CCDC178: variants seen among roughly 807,000 people sequenced by gnomAD.
CCDC178 encodes the protein coiled-coil domain containing 178, also known as coiled-coil domain-containing protein 178.
A neutral mutation model predicts 117.4 loss-of-function variants in CCDC178; 126 were observed. The observed-to-expected ratio is 1.07, with a 90% CI of 0.93 to 1.24. The LOEUF (loss-of-function observed/expected upper bound fraction) is 1.24, where lower values mean the gene tolerates loss of function less well. Ranked by LOEUF, CCDC178 falls within the 50% of genes most tolerant of loss-of-function variation. The pLI is 0.00. For missense variants in CCDC178, 1,030 were observed against 986.9 expected, an observed-to-expected ratio of 1.04 and a Z score of -0.59; for synonymous variants, 283 against 313.4, an observed-to-expected ratio of 0.90 and a Z score of 1.02.
At chr18:33,139,427 T>G (rs1413496021) in intron 20 of CCDC178, among the ~76,000 whole-genome samples, 3 of 152,136 alleles carry the variant, frequency 2.0e-5, no homozygotes, top group African/African-American at 4.8e-5. Flanking sequence ...ACCTAGAGAC[T>G]TGTTGAATGG....
chr18:32,979,931 A>C (rs1024605653), intron 21 of CCDC178, among the ~76,000 whole-genome samples: 10 of 152,220 alleles, frequency 6.6e-5, no homozygotes, highest in African/African-American at 2.2e-4. Context: ...GTAACATATG[A>C]CAGAGATATC....
At chr18:32,984,253 C>CT (rs1439813676) in intron 21 of CCDC178, among the ~76,000 whole-genome samples, 3 of 151,542 alleles carry the variant, frequency 2.0e-5, no homozygotes, top group African/African-American at 7.3e-5. Context: ...TGGATCTCTG[C>CT]TAATATATAA....
At chr18:33,109,485 TC>T (rs1393001794) in intron 20 of CCDC178, among the ~76,000 whole-genome samples, 1 of 151,598 alleles carries the variant, frequency 6.6e-6, no homozygotes, top group African/African-American at 2.4e-5. Context: ...TCTATATTAA[TC>T]CCTCGATCTT....
intron 21 of CCDC178, among the ~76,000 whole-genome samples, chr18:33,030,130 C>A (rs892645261): frequency 6.6e-6 from 1 of 151,960 alleles, no homozygotes. Flanking sequence ...GTCAGTTTTG[C>A]TAAATTTATT....
At position 33,348,946 on chromosome 18, in the gene CCDC178, T is replaced by C; in HGVS notation, c.401A>G (p.Lys134Arg). ...WSRTSSTKDL[K>R]EDWSVTTPVK... ...TGGTGTAGTTACACTCCAATCTTCTTTCAGGTCTTTTGTGGAAGAAGTTCT... is the reference window on the plus strand; with the variant it reads ...TGGTGTAGTTACACTCCAATCTTCTCTCAGGTCTTTTGTGGAAGAAGTTCT... Residue 134 changes from lysine to arginine, a missense_variant, in exon 8 of 23, where the codon AAA becomes AGA. Lys to Arg is a conservative substitution (Grantham distance 26). Coordinates refer to ENST00000383096, the MANE Select transcript of CCDC178 (RefSeq NM_001105528.4). The C allele has an allele frequency of 1.2e-6, 2 of 1,609,816 alleles. No homozygotes were observed. The highest frequency in any genetic ancestry group is 1.7e-6 in the Non-Finnish European group (2 of 1,177,824).
chr18:33,403,007 T>C lies in CCDC178; in HGVS notation c.59-5799A>G, dbSNP rs2063729656. Among the ~76,000 whole-genome samples the C allele has an allele frequency of 2.0e-5, 3 of 152,344 alleles. No individual in the cohort carries two copies. The South Asian group carries it at 6.2e-4, about 32-fold the overall frequency. On this transcript the variant is annotated intron_variant, in intron 3 of 22. Transcript: ENST00000383096. ...ATGCACAATTCTAGTTGAGAACTAG[T>C]GCAATAGACAATTACTTCAGTCTCA... is the stretch of plus-strand genomic sequence containing the variant.
chr18:33,254,550 A>C (rs1376470100), intron 14 of CCDC178, among the ~76,000 whole-genome samples: 1 of 152,040 alleles, frequency 6.6e-6, no homozygotes, highest in African/African-American at 2.4e-5. Flanking sequence ...AACAGATTCC[A>C]GTGCAATAAT....
In CCDC178 at chr18:33,245,132, G is replaced by A; in HGVS notation, c.1593+113C>T. On this transcript the variant is annotated intron_variant, in intron 15 of 22. Coordinates refer to ENST00000383096, the MANE Select transcript of CCDC178 (RefSeq NM_001105528.4). ...TCTCATTTATAAGAAGTGAGTTTTT[G>A]AAAAGACTGTTAATCCTTAAATTAA... 1.3e-5 allele frequency: 14 copies of A among 1,051,478 alleles called. 1 individual carries two copies. In the Admixed American group the frequency reaches 5.1e-4, roughly 38 times the overall value. The allele number at this position is 1,051,478 out of a possible 1,614,324, so 65.1% of individuals were successfully genotyped here.
At chr18:33,113,953 G>A (rs915270989) in intron 20 of CCDC178, among the ~76,000 whole-genome samples, 3 of 151,982 alleles carry the variant, frequency 2.0e-5, no homozygotes, top group African/African-American at 7.2e-5. Flanking sequence ...TCAAATTTTG[G>A]TGTTAGTCCC....
At chr18:33,192,302 C>T (rs561713522) in intron 20 of CCDC178, among the ~76,000 whole-genome samples, 5 of 152,180 alleles carry the variant, frequency 3.3e-5, no homozygotes, top group African/African-American at 9.6e-5. Context: ...TAAGATAAAA[C>T]GTTAGATATA....
At chr18:32,970,430 G>A (rs560467363) in intron 22 of CCDC178, among the ~76,000 whole-genome samples, 5 of 151,842 alleles carry the variant, frequency 3.3e-5, no homozygotes, top group South Asian at 2.1e-4. Flanking sequence ...ATAGTTCACC[G>A]AAATCTTATG....
At chr18:33,002,659 A>C (rs2055663122) in intron 21 of CCDC178, among the ~76,000 whole-genome samples, 1 of 152,060 alleles carries the variant, frequency 6.6e-6, no homozygotes, top group African/African-American at 2.4e-5. Context: ...ATCCAAAGTT[A>C]GTAGAAGACA....
chr18:33,415,903 T>A (rs1332361207), intron 2 of CCDC178, among the ~76,000 whole-genome samples: 5 of 152,094 alleles, frequency 3.3e-5, no homozygotes, highest in African/African-American at 1.2e-4. Context: ...CTAGGAGACT[T>A]GTTACCAGAG....
chr18:33,046,340 C>T (rs973327674), intron 21 of CCDC178, among the ~76,000 whole-genome samples: 18 of 152,102 alleles, frequency 1.2e-4, no homozygotes, highest in Admixed American at 7.2e-4. Context: ...ATAGCTATGA[C>T]TTGAACATAA....
At chr18:33,073,576 C>T (rs142045965) in intron 21 of CCDC178, among the ~76,000 whole-genome samples, 145 of 151,642 alleles carry the variant, frequency 9.6e-4, no homozygotes, top group Middle Eastern at 3.4e-3. Flanking sequence ...TGCAGACTTT[C>T]AGATTATTTT....
chr18:33,087,566 T>TTGTGTGTGTGTGTGTG (rs57033642), intron 21 of CCDC178, among the ~76,000 whole-genome samples: 3 of 146,030 alleles, frequency 2.1e-5, no homozygotes, highest in Non-Finnish European at 3.0e-5. Context: ...CCAAAGCCAT[T>TTGTGTGTGTGTGTGTG]TGTGTGTGTG....
chr18:33,066,079 T>C lies in CCDC178; in HGVS notation c.2388+26682A>G, dbSNP rs1395874303. Among the ~76,000 whole-genome samples, 3 of 152,152 alleles carry C rather than the reference T, an allele frequency of 2.0e-5. No homozygotes were observed. In the East Asian group the frequency reaches 5.8e-4, roughly 29 times the overall value. ...GGTTTTACCGTGTTGGCCAGGATGGTCTCGATCTCCTGACCTCGTGATCCA... is the reference window on the plus strand; with the variant it reads ...GGTTTTACCGTGTTGGCCAGGATGGCCTCGATCTCCTGACCTCGTGATCCA... On this transcript the variant is annotated intron_variant, in intron 21 of 22. Coordinates refer to ENST00000383096, the MANE Select transcript of CCDC178 (RefSeq NM_001105528.4).
chr18:32,995,419 A>G (rs2055481987), intron 21 of CCDC178, among the ~76,000 whole-genome samples: 1 of 152,084 alleles, frequency 6.6e-6, no homozygotes, highest in South Asian at 2.1e-4. Flanking sequence ...GTAAAAAGAT[A>G]CTCAAGGAAA....
At chr18:33,384,412 CA>C (rs2144804917) in intron 5 of CCDC178, among the ~76,000 whole-genome samples, 1 of 152,200 alleles carries the variant, frequency 6.6e-6, no homozygotes, top group South Asian at 2.1e-4. Flanking sequence ...ACATAATCAT[CA>C]GATTCTCCAA....
Sources: allele counts gnomAD v4.1 joint callset (sites outside exome capture counted in the v4.1 genomes callset), GRCh38; gene constraint gnomAD v4.1.1; transcripts MANE v1.5; gene names NCBI Gene and HGNC (gene_info 2026-07-23, HGNC 2026-07-21).